MDGA2: variants seen among roughly 807,000 people sequenced by gnomAD.
MDGA2 encodes the protein MAM domain containing glycosylphosphatidylinositol anchor 2, also known as MAM domain-containing glycosylphosphatidylinositol anchor protein 2.
A neutral mutation model predicts 117.8 loss-of-function variants in MDGA2; 40 were observed. The ratio of observed to expected loss-of-function variants is 0.34; its 90% CI spans 0.26 to 0.44. The LOEUF is 0.44. Among genes scored for constraint, MDGA2 ranks in the 20% least tolerant of loss-of-function variants. The pLI is 1.00. For synonymous variants in MDGA2, 452 were observed against 439.0 expected, an observed-to-expected ratio of 1.03 and a Z score of -0.37; for missense variants, 1,123 against 1,250.6, an observed-to-expected ratio of 0.90 and a Z score of 1.54.
chr14:46,886,382 A>G (rs1270648253), intron 10 of MDGA2, among the ~76,000 whole-genome samples: 1 of 152,148 alleles, frequency 6.6e-6, no homozygotes, highest in Non-Finnish European at 1.5e-5. Flanking sequence ...ATATTGAACT[A>G]AAATTAATTT....
rs555823648 is a variant in MDGA2, at chr14:47,137,731, A to G, written c.793-5885T>C. On this transcript the variant is annotated intron_variant, in intron 4 of 16. Transcript: ENST00000399232. ...ATGGCAACACAAAACACAGAACACA[A>G]TAACAAAATGGACTGTAAAGAATAG... Among the ~76,000 whole-genome samples the G allele has an allele frequency of 3.3e-5, 5 of 152,282 alleles. 1 individual carries two copies. In the East Asian group the frequency reaches 9.6e-4, roughly 29 times the overall value.
At chr14:46,987,354 A>T (rs1477218581) in intron 8 of MDGA2, among the ~76,000 whole-genome samples, 2 of 152,144 alleles carry the variant, frequency 1.3e-5, no homozygotes, top group Non-Finnish European at 2.9e-5. Flanking sequence ...CTGCCAGAGC[A>T]TAACTGAGAA....
chr14:46,906,016 C>T (rs532288436), intron 10 of MDGA2, among the ~76,000 whole-genome samples: 2 of 151,720 alleles, frequency 1.3e-5, no homozygotes, highest in Admixed American at 6.6e-5. Context: ...CTTACAATGG[C>T]ATGTTGTCAT....
At chr14:46,923,517 G>A (rs1884212259) in intron 9 of MDGA2, among the ~76,000 whole-genome samples, 1 of 151,768 alleles carries the variant, frequency 6.6e-6, no homozygotes, top group East Asian at 1.9e-4. Context: ...CATATTACTT[G>A]GAATTAAAGG....
chr14:47,029,829 T>C (rs1888598554), intron 8 of MDGA2, among the ~76,000 whole-genome samples: 1 of 152,082 alleles, frequency 6.6e-6, no homozygotes, highest in South Asian at 2.1e-4. Context: ...TGTTTTGTTT[T>C]TGTTTTTCTT....
intron 2 of MDGA2, among the ~76,000 whole-genome samples, chr14:47,301,040 T>A (rs1889261351): frequency 6.6e-6 from 1 of 152,204 alleles, no homozygotes. Flanking sequence ...TATGTCATCA[T>A]GAAATCATGT....
chr14:47,370,499 G>GTTTTTTTTTTTTTTTTTTTTTTTTTT (rs1566758127), intron 1 of MDGA2, among the ~76,000 whole-genome samples: 1 of 30,776 alleles, frequency 3.2e-5, no homozygotes, highest in Non-Finnish European at 6.2e-5. Flanking sequence ...TTTTTTTTTT[G>GTTTTTTTTTTTTTTTTTTTTTTTTTT]TGTGTGTGTG....
intron 8 of MDGA2, among the ~76,000 whole-genome samples, chr14:47,027,631 A>ATG (rs1005092093): frequency 2.2e-4 from 33 of 149,012 alleles, no homozygotes; most frequent in African/African-American, 6.6e-4. Flanking sequence ...TATATATTAT[A>ATG]TATATATATA....
chr14:47,200,706 T>G, intron 3 of MDGA2: 1 of 927,586 alleles, frequency 1.1e-6, no homozygotes, highest in South Asian at 1.4e-5. Flanking sequence ...GCCTTCTCCT[T>G]CCTCTTCTCC....
chr14:47,361,131 G>A lies in MDGA2; in HGVS notation c.281-59581C>T, dbSNP rs1566754379. 3.3e-5 allele frequency among the ~76,000 whole-genome samples: 5 copies of A among 151,444 alleles called. No homozygotes were observed. The East Asian group carries it at 5.8e-4, about 18-fold the overall frequency. On this transcript the variant is annotated intron_variant, in intron 1 of 16. Transcript: ENST00000399232. ...ACTATGTGAATGAATATGTTAATTT[G>A]CTTGCCAGTAGTAATCATTTCACTA...
chr14:46,888,874 G>A (rs1200897457), intron 10 of MDGA2, among the ~76,000 whole-genome samples: 1 of 151,844 alleles, frequency 6.6e-6, no homozygotes, highest in African/African-American at 2.4e-5. Flanking sequence ...CTCTATAAAA[G>A]ATTGATATAT....
chr14:47,387,052 T>C (rs2138429448), intron 1 of MDGA2, among the ~76,000 whole-genome samples: 1 of 152,306 alleles, frequency 6.6e-6, no homozygotes, highest in South Asian at 2.1e-4. Context: ...GATCAGACTG[T>C]ACAGCCCCAT....
chr14:47,201,011 T>G (rs1473730929), intron 3 of MDGA2: 1 of 933,302 alleles, frequency 1.1e-6, no homozygotes, highest in East Asian at 2.4e-5. Context: ...ACCACCACTT[T>G]CCTGCCCAGC....
intron 1 of MDGA2, among the ~76,000 whole-genome samples, chr14:47,566,020 C>T (rs575719468): frequency 2.0e-5 from 3 of 152,334 alleles, no homozygotes; most frequent in African/African-American, 7.2e-5. Flanking sequence ...GCACTCACAA[C>T]AGCAGCAATG....
chr14:47,209,305 T>C (rs1292036610), intron 3 of MDGA2, among the ~76,000 whole-genome samples: 2 of 151,802 alleles, frequency 1.3e-5, no homozygotes, highest in African/African-American at 2.4e-5. Context: ...TCAGTTAACA[T>C]TGCAAACTGA....
intron 2 of MDGA2, among the ~76,000 whole-genome samples, chr14:47,225,425 T>A (rs1402279723): frequency 7.2e-5 from 11 of 151,894 alleles, no homozygotes; most frequent in African/African-American, 2.7e-4. Context: ...TGTCCAACAA[T>A]GATAGACTGG....
At chr14:47,073,198 C>T (rs1890357441) in intron 6 of MDGA2, among the ~76,000 whole-genome samples, 1 of 152,112 alleles carries the variant, frequency 6.6e-6, no homozygotes, top group South Asian at 2.1e-4. Context: ...TATCTAAATA[C>T]CTGATATGGT....
At chr14:47,072,884 G>C (rs906389631) in intron 6 of MDGA2, among the ~76,000 whole-genome samples, 1 of 152,108 alleles carries the variant, frequency 6.6e-6, no homozygotes, top group African/African-American at 2.4e-5. Flanking sequence ...TTTTTACTTT[G>C]CAGGATCTTC....
At chr14:47,132,529 G>T (rs1223781897) in intron 4 of MDGA2, among the ~76,000 whole-genome samples, 1 of 151,734 alleles carries the variant, frequency 6.6e-6, no homozygotes, top group Non-Finnish European at 1.5e-5. Context: ...CAAGCAAGTG[G>T]CCAGAAGTAT....
Sources: allele counts gnomAD v4.1 joint callset (sites outside exome capture counted in the v4.1 genomes callset), GRCh38; gene constraint gnomAD v4.1.1; transcripts MANE v1.5; gene names NCBI Gene and HGNC (gene_info 2026-07-23, HGNC 2026-07-21).